OMA1: variants seen among roughly 807,000 people sequenced by gnomAD.
The protein encoded by OMA1 is metalloendopeptidase OMA1, mitochondrial.
A neutral mutation model predicts 30.9 loss-of-function variants in OMA1; 38 were observed. The observed-to-expected ratio is 1.23, with a 90% confidence interval of 0.95 to 1.61. The LOEUF (loss-of-function observed/expected upper bound fraction) is 1.61. OMA1 is among the 40% of genes most tolerant of loss of function. The pLI is 0.00. For missense variants in OMA1, 461 were observed against 349.2 expected (o/e 1.32, Z -2.55); for synonymous variants, 173 against 121.9 (o/e 1.42, Z -2.76).
chr1:58,521,797 C>A (rs1218433081), intron 7 of OMA1, among the ~76,000 whole-genome samples: 1 of 152,100 alleles, frequency 6.6e-6, no homozygotes, highest in East Asian at 1.9e-4. Context: ...AATCTTCAGG[C>A]CCATATGGCT....
At chr1:58,522,302 A>G (rs1272461871) in intron 7 of OMA1, among the ~76,000 whole-genome samples, 1 of 152,192 alleles carries the variant, frequency 6.6e-6, no homozygotes, top group East Asian at 1.9e-4. Flanking sequence ...ACATCTGCAC[A>G]TGTACCCTGG....
intron 7 of OMA1, among the ~76,000 whole-genome samples, chr1:58,520,432 A>C (rs1457540378): frequency 6.6e-6 from 1 of 152,236 alleles, no homozygotes; most frequent in Non-Finnish European, 1.5e-5. Context: ...TAATTCACAA[A>C]GGAATATAAA....
intron 8 of OMA1, 68 bp downstream of exon 8, chr1:58,505,992 G>C (rs1645982555): frequency 2.6e-6 from 2 of 772,088 alleles, no homozygotes; most frequent in Admixed American, 3.8e-5. Context: ...CTAAGCAAAA[G>C]AAGTGACAGC....
chr1:58,525,251 T>A (rs1473531356), intron 7 of OMA1, among the ~76,000 whole-genome samples: 1 of 152,160 alleles, frequency 6.6e-6, no homozygotes, highest in African/African-American at 2.4e-5. Context: ...ATGGTTCACC[T>A]GTGAGTTTTT....
chr1:58,494,460 C>T (rs1645757619), intron 8 of OMA1, among the ~76,000 whole-genome samples: 1 of 152,166 alleles, frequency 6.6e-6, no homozygotes, highest in Non-Finnish European at 1.5e-5. Flanking sequence ...GCAAAAGAAA[C>T]TACCATCAGA....
chr1:58,530,973 A>T (rs1646426155), intron 5 of OMA1, among the ~76,000 whole-genome samples: 1 of 152,214 alleles, frequency 6.6e-6, no homozygotes, highest in Admixed American at 6.5e-5. Context: ...CAGAGGATAT[A>T]AACCTACAAT....
chr1:58,524,727 A>C (rs1316259582), intron 7 of OMA1, among the ~76,000 whole-genome samples: 1 of 152,200 alleles, frequency 6.6e-6, no homozygotes, highest in African/African-American at 2.4e-5. Flanking sequence ...TTCTTGTAAT[A>C]TCATGAGTTT....
chr1:58,535,321 G>A (rs540079680), intron 3 of OMA1, among the ~76,000 whole-genome samples: 6 of 152,096 alleles, frequency 3.9e-5, no homozygotes, highest in Admixed American at 2.0e-4. Flanking sequence ...ATCAACAAGC[G>A]GCTGGGCATG....
At chr1:58,486,967 A>ACT (rs1420188436) in intron 8 of OMA1, among the ~76,000 whole-genome samples, 2 of 152,210 alleles carry the variant, frequency 1.3e-5, no homozygotes. Flanking sequence ...AGACATAGGA[A>ACT]GAGTCTGGAT....
chr1:58,513,620 A>G lies in OMA1; in HGVS notation c.1216-7411T>C, dbSNP rs558425326. 2.6e-5 allele frequency among the ~76,000 whole-genome samples: 4 copies of G among 152,338 alleles called. No homozygotes were observed. In the East Asian group the frequency reaches 7.7e-4, roughly 29 times the overall value. The stretch of plus-strand genomic sequence containing the variant: ...GTCCTAGAATATTTTTTGAGACTGT[A>G]AACTAAGATAATGGAGAGACTACAG... On this transcript the variant is annotated intron_variant, in intron 7 of 8. Transcript: ENST00000371226.
At chr1:58,533,655 A>G (rs1489822668) in intron 5 of OMA1, among the ~76,000 whole-genome samples, 1 of 152,178 alleles carries the variant, frequency 6.6e-6, no homozygotes, top group Non-Finnish European at 1.5e-5. Context: ...ATAATTATAG[A>G]AAGTTTAAAA....
chr1:58,512,148 A>G (rs1004835073), intron 7 of OMA1, among the ~76,000 whole-genome samples: 2 of 152,222 alleles, frequency 1.3e-5, no homozygotes, highest in African/African-American at 4.8e-5. Flanking sequence ...GTATTAGAAA[A>G]AATGTTCAAT....
At chr1:58,513,547 C>T (rs1413973171) in intron 7 of OMA1, among the ~76,000 whole-genome samples, 1 of 152,124 alleles carries the variant, frequency 6.6e-6, no homozygotes, top group Admixed American at 6.5e-5. Context: ...ATAATGGCTA[C>T]CGCTGGCCAG....
chr1:58,506,350 A>G, intron 7 of OMA1, 141 bp from the exon 8 acceptor site: 1 of 552,286 alleles, frequency 1.8e-6, no homozygotes, highest in Non-Finnish European at 3.2e-6. Context: ...GGTTTGTTAC[A>G]TACGTATACA....
intron 1 of OMA1, among the ~76,000 whole-genome samples, chr1:58,540,528 G>A (rs1211484055): frequency 6.6e-6 from 1 of 151,274 alleles, no homozygotes; most frequent in Non-Finnish European, 1.5e-5. Flanking sequence ...AGCATGTTAT[G>A]TAGAGATATG....
intron 5 of OMA1, among the ~76,000 whole-genome samples, chr1:58,533,400 A>G (rs1401703035): frequency 6.6e-6 from 1 of 152,226 alleles, no homozygotes; most frequent in Non-Finnish European, 1.5e-5. Context: ...TAATAAATAC[A>G]TACCTCATTG....
chr1:58,505,360 G>A (rs1232699256), intron 8 of OMA1, among the ~76,000 whole-genome samples: 1 of 152,178 alleles, frequency 6.6e-6, no homozygotes, highest in Non-Finnish European at 1.5e-5. Context: ...TAATACAAGT[G>A]AGATAGAAGA....
At position 58,481,858 on chromosome 1, in the gene OMA1, C is replaced by T. The variant is rs780496213; in HGVS notation, c.1366-684G>A. Among the ~76,000 whole-genome samples, 7 of 152,300 alleles carry T rather than the reference C, an allele frequency of 4.6e-5. No homozygotes were observed. In the East Asian group the frequency reaches 5.8e-4, roughly 13 times the overall value. ...GTAAGACATGACTTTTCTCCTCATT[C>T]GCCTTCCACCATGATTGTGAGGCCA... On this transcript the variant is annotated intron_variant, in intron 8 of 8. Transcript: ENST00000371226.
At chr1:58,506,274 C>T (rs980051918) in intron 7 of OMA1, 65 bp from the exon 8 acceptor site, 1 of 747,354 alleles carries the variant, frequency 1.3e-6, no homozygotes, top group South Asian at 1.8e-5. Flanking sequence ...AAAACTACTA[C>T]TTTATTTTTT....
Sources: allele counts gnomAD v4.1 joint callset (sites outside exome capture counted in the v4.1 genomes callset), GRCh38; gene constraint gnomAD v4.1.1; transcripts MANE v1.5; gene names NCBI Gene and HGNC (gene_info 2026-07-23, HGNC 2026-07-21).